Variants in ARID1A observed in about 807,000 individuals in gnomAD.
ARID1A encodes the protein AT-rich interaction domain 1A.
In ARID1A, 20 loss-of-function variants were observed where a neutral mutation model predicts 212.6. The observed-to-expected ratio is 0.09, with a 90% CI of 0.07 to 0.14. The LOEUF is 0.14. ARID1A is among the 10% of genes least tolerant of loss of function. The probability of loss-of-function intolerance (pLI) is 1.00; values close to 1 mark genes in which losing one functional copy is unlikely to be tolerated. For missense variants in ARID1A, 2,587 were observed against 3,059.0 expected, an observed-to-expected ratio of 0.85 and a Z score of 3.64; for synonymous variants, 1,376 against 1,222.1, an observed-to-expected ratio of 1.13 and a Z score of -2.63.
chr1:26,767,371 G>A (rs1387861760), intron 10 of ARID1A, among the ~76,000 whole-genome samples: 1 of 152,190 alleles, frequency 6.6e-6, no homozygotes, highest in East Asian at 1.9e-4. Context: ...CTAAAACATA[G>A]TACCTAAGTA....
intron 1 of ARID1A, among the ~76,000 whole-genome samples, chr1:26,712,142 A>G (rs2080460676): frequency 6.6e-6 from 1 of 152,128 alleles, no homozygotes; most frequent in Non-Finnish European, 1.5e-5. Context: ...AATACAGTAC[A>G]CTTTTCCAAG....
chr1:26,744,444 C>T (rs1008192159), intron 4 of ARID1A, among the ~76,000 whole-genome samples: 1 of 152,192 alleles, frequency 6.6e-6, no homozygotes, highest in African/African-American at 2.4e-5. Context: ...GCTCTTGAGT[C>T]ACTTAGTCCT....
At position 26,771,786 on chromosome 1, in the gene ARID1A, T is replaced by A. The variant is rs1015287137; in HGVS notation, c.3406+460T>A. On this transcript the variant is annotated intron_variant, in intron 12 of 19. Transcript: ENST00000324856. This position sits in a 1 kb window ranked among gnomAD's most constrained non-coding sequence, Gnocchi z 5.4. ...AATGGAACTCCCTGATGGGAGTGGC[T>A]CTGCTCACCCTCCTTTCTGAGAGGA... The A allele has an allele frequency of 1.7e-4, 31 of 184,062 alleles. No homozygotes were observed. Among genetic ancestry groups the A allele is most frequent in the African/African-American group, 7.4e-4 (31 of 41,980 alleles). 11.4% of individuals were successfully genotyped at this position (184,062 alleles called of 1,614,324 possible). A position where few individuals can be genotyped will look rare whatever the true frequency, so the allele number is the denominator to read the frequency against.
chr1:26,709,275 C>A (rs2080425799), intron 1 of ARID1A, among the ~76,000 whole-genome samples: 1 of 152,180 alleles, frequency 6.6e-6, no homozygotes, highest in African/African-American at 2.4e-5. Flanking sequence ...ACAACTATCT[C>A]TCCCACTCTC....
Position 26,771,449 on chromosome 1 carries a change from C to G in ARID1A, c.3406+123C>G. 2.7e-6 allele frequency: 3 copies of G among 1,118,184 alleles called. No individual in the cohort carries two copies. The highest frequency in any genetic ancestry group is 1.3e-6 in the Non-Finnish European group (1 of 785,876). 69.3% of individuals were successfully genotyped at this position (1,118,184 alleles called of 1,614,324 possible). ...CCAAGGATCTGTGCTCTGCCTTGCC[C>G]TACCACAGGGCTTAACAGGTTGGCT... On this transcript the variant is annotated intron_variant, in intron 12 of 19. Coordinates refer to ENST00000324856, the MANE Select transcript of ARID1A (RefSeq NM_006015.6). The surrounding 1 kb of genome is among the most constrained non-coding windows in gnomAD (Gnocchi z 5.4).
intron 4 of ARID1A, among the ~76,000 whole-genome samples, chr1:26,745,582 C>G (rs1316678937): frequency 1.3e-5 from 2 of 152,130 alleles, no homozygotes; most frequent in Non-Finnish European, 2.9e-5. Flanking sequence ...CCATTCCCGT[C>G]TCCCCTCCCA....
chr1:26,781,979 C>T lies in ARID1A; in HGVS notation c.*1223C>T, dbSNP rs1293862975. ...GCATATTTGTATTTCAACAATGTAG[C>T]TAAAACTTGATGTAAATTCCTCCTT... On this transcript the variant is annotated 3_prime_UTR_variant, in exon 20 of 20. Transcript: ENST00000324856. 4.3e-6 allele frequency: 1 copy of T among 233,220 alleles called. No individual in the cohort carries two copies. The highest frequency in any genetic ancestry group is 6.1e-5 in the East Asian group (1 of 16,522). The allele number at this position is 233,220 out of a possible 1,614,324, so 14.4% of individuals were successfully genotyped here. A position where few individuals can be genotyped will look rare whatever the true frequency, so the allele number is the denominator to read the frequency against.
At chr1:26,765,125 G>A (rs997437230) in intron 8 of ARID1A, 1 of 152,272 alleles carries the variant, frequency 6.6e-6, no homozygotes, top group African/African-American at 2.4e-5. Context: ...AACCTGGGAG[G>A]CGGAGGTTGC....
intron 1 of ARID1A, among the ~76,000 whole-genome samples, chr1:26,708,946 C>T (rs1262239399): frequency 1.1e-4 from 16 of 152,008 alleles, no homozygotes; most frequent in Admixed American, 8.5e-4. Context: ...CCGCCCGCTT[C>T]GGCCTCCCAA....
At chr1:26,735,553 A>G (rs1022090074) in intron 4 of ARID1A, among the ~76,000 whole-genome samples, 4 of 152,314 alleles carry the variant, frequency 2.6e-5, no homozygotes, top group Admixed American at 2.6e-4. Flanking sequence ...TGGCCTCCCA[A>G]GGTGCTGGGA....
rs942432618 is a variant in ARID1A, at chr1:26,696,348, G to C, written c.-56G>C. The C allele has an allele frequency of 6.3e-5, 77 of 1,213,532 alleles. No homozygotes were observed. Among genetic ancestry groups the C allele is most frequent in the Middle Eastern group, 3.2e-4 (1 of 3,104 alleles). 75.2% of individuals were successfully genotyped at this position (1,213,532 alleles called of 1,614,324 possible). ...ACTGGGCCCCGGGGCGGGGTGGGAGGGGGGGAGAAGACGAAGACAGGGCCG... is the reference window on the plus strand; with the variant it reads ...ACTGGGCCCCGGGGCGGGGTGGGAGCGGGGGAGAAGACGAAGACAGGGCCG... On this transcript the variant is annotated 5_prime_UTR_variant, in exon 1 of 20. Coordinates refer to ENST00000324856, the MANE Select transcript of ARID1A (RefSeq NM_006015.6).
chr1:26,724,000 C>A (rs947812499), intron 1 of ARID1A, among the ~76,000 whole-genome samples: 1 of 152,106 alleles, frequency 6.6e-6, no homozygotes, highest in Non-Finnish European at 1.5e-5. Flanking sequence ...CCTTAACTAC[C>A]GCTCTCTGAG....
In ARID1A at chr1:26,697,410, G is replaced by T; in HGVS notation, c.1007G>T (p.Cys336Phe). ...GGCCCGGCGGACATGGCCTCGCAGT[G>T]TTGGGGGGCTGCGGCGGCGGCAGCT... ...GKGPADMASQ[C>F]WGAAAAAAAA... Residue 336 changes from cysteine to phenylalanine, a missense_variant, in exon 1 of 20, where the codon TGT (cysteine) becomes TTT (phenylalanine). Cys to Phe is a radical substitution (Grantham distance 205). Transcript: ENST00000324856. The T allele has an allele frequency of 3.0e-6, 4 of 1,351,812 alleles. No individual in the cohort carries two copies. Among genetic ancestry groups the T allele is most frequent in the Non-Finnish European group, 3.8e-6 (4 of 1,063,548 alleles). 83.7% of individuals were successfully genotyped at this position (1,351,812 alleles called of 1,614,324 possible).
In ARID1A at chr1:26,696,527, G is replaced by A. The variant is rs2124740299; in HGVS notation, c.124G>A (p.Ala42Thr). The stretch of plus-strand genomic sequence containing the variant: ...GGAGGCGGGGGGCGAGGCGGCGGCG[G>A]CGGCAGCGGCCGAGCGCGGGGAAAT... ...REEAGGEAAA[A>T]AAAERGEMKA... Residue 42 changes from alanine (A) to threonine (T), a missense_variant, in exon 1 of 20, where the codon GCG (alanine) becomes ACG (threonine). Transcript: ENST00000324856. 1 of 1,227,760 alleles carries A rather than the reference G, an allele frequency of 8.1e-7. No individual in the cohort carries two copies. Among genetic ancestry groups the A allele is most frequent in the Non-Finnish European group, 1.0e-6 (1 of 987,272 alleles). 76.1% of individuals were successfully genotyped at this position (1,227,760 alleles called of 1,614,324 possible).
chr1:26,765,912 A>G (rs1204555558), intron 8 of ARID1A: 5 of 262,430 alleles, frequency 1.9e-5, no homozygotes, highest in East Asian at 1.4e-4. Context: ...ATGGTGGTGC[A>G]TGCCTCATAG....
chr1:26,750,663 C>T (rs1570592994), intron 4 of ARID1A, among the ~76,000 whole-genome samples: 1 of 151,908 alleles, frequency 6.6e-6, no homozygotes, highest in East Asian at 1.9e-4. Context: ...CTGTGAGCCA[C>T]ACCCTTGTGA....
Position 26,749,816 on chromosome 1 carries a change from G to A in ARID1A, c.1921-11040G>A, listed in dbSNP as rs551793788. ...AACCCATTCGGGGTTGTACTTCTGA[G>A]TTTTAAACAGGAGAATCAATTCTCT... On this transcript the variant is annotated intron_variant, in intron 4 of 19. Transcript: ENST00000324856. Among the ~76,000 whole-genome samples the A allele has an allele frequency of 4.0e-3, 616 of 152,330 alleles. 1 individual carries two copies. Among genetic ancestry groups the A allele is most frequent in the Non-Finnish European group, 6.6e-3 (448 of 68,032 alleles).
In ARID1A at chr1:26,781,264, A is replaced by G. The variant is rs1184917444; in HGVS notation, c.*508A>G. The G allele has an allele frequency of 8.5e-6, 2 of 236,052 alleles. No individual in the cohort carries two copies. Among genetic ancestry groups the G allele is most frequent in the Non-Finnish European group, 1.7e-5 (2 of 119,748 alleles). 14.6% of individuals were successfully genotyped at this position (236,052 alleles called of 1,614,324 possible). On this transcript the variant is annotated 3_prime_UTR_variant, in exon 20 of 20. Coordinates refer to ENST00000324856, the MANE Select transcript of ARID1A (RefSeq NM_006015.6). Reference sequence around the variant, plus strand: ...GTACATTCACAATCTTGCAGGAGCCAAGAAGTTCGCAGTTGTGAACAGACC... The same window carrying G: ...GTACATTCACAATCTTGCAGGAGCCGAGAAGTTCGCAGTTGTGAACAGACC...
At chr1:26,713,267 C>A (rs6658770) in intron 1 of ARID1A, among the ~76,000 whole-genome samples, 15 of 151,918 alleles carry the variant, frequency 9.9e-5, no homozygotes, top group African/African-American at 3.1e-4. Context: ...ATGCAGAGCA[C>A]ATGGAAACTC....
Sources: allele counts gnomAD v4.1 joint callset (sites outside exome capture counted in the v4.1 genomes callset), GRCh38; gene constraint gnomAD v4.1.1; non-coding constraint Gnocchi (gnomAD v3.1); transcripts MANE v1.5; gene names NCBI Gene and HGNC (gene_info 2026-07-23, HGNC 2026-07-21).